NALF1: variants seen among roughly 807,000 people sequenced by gnomAD.
NALF1 encodes NALCN channel auxiliary factor 1, also known as family with sequence similarity 155 member A.
Under a neutral mutation model 48.4 loss-of-function variants are expected in NALF1, and 3 were observed. The observed-to-expected ratio is 0.06, with a 90% CI of 0.03 to 0.16. NALF1 has a LOEUF of 0.16. NALF1 is among the 10% of genes least tolerant of loss of function. NALF1 has a pLI of 1.00. For synonymous variants in NALF1, 262 were observed against 245.7 expected, an observed-to-expected ratio of 1.07 and a Z score of -0.62; for missense variants, 526 against 571.5, an observed-to-expected ratio of 0.92 and a Z score of 0.81.
intron 1 of NALF1, among the ~76,000 whole-genome samples, chr13:107,791,303 G>A (rs1226897708): frequency 2.0e-5 from 3 of 152,092 alleles, no homozygotes; most frequent in Admixed American, 1.3e-4. Context: ...ATCATCTACA[G>A]TACAATCCTG....
intron 1 of NALF1, among the ~76,000 whole-genome samples, chr13:107,863,556 T>C (rs905815157): frequency 6.6e-6 from 1 of 152,186 alleles, no homozygotes; most frequent in African/African-American, 2.4e-5. Context: ...AATTCTCCAT[T>C]GCGGTGATAA....
At chr13:107,377,799 T>A (rs982819343) in intron 1 of NALF1, among the ~76,000 whole-genome samples, 6 of 152,164 alleles carry the variant, frequency 3.9e-5, no homozygotes, top group African/African-American at 1.4e-4. Context: ...GAGATAGGCA[T>A]CTATTTATTT....
At chr13:107,234,259 C>G (rs904284525) in intron 1 of NALF1, among the ~76,000 whole-genome samples, 1 of 152,168 alleles carries the variant, frequency 6.6e-6, no homozygotes, top group African/African-American at 2.4e-5. Context: ...TTGTTGGAAT[C>G]AAGTGGAAAG....
intron 1 of NALF1, among the ~76,000 whole-genome samples, chr13:107,594,031 A>G (rs977094939): frequency 6.6e-6 from 1 of 152,020 alleles, no homozygotes; most frequent in African/African-American, 2.4e-5. Flanking sequence ...CAAAAGCATG[A>G]CATTATGTCA....
chr13:107,471,863 T>G (rs778668183), intron 1 of NALF1, among the ~76,000 whole-genome samples: 5 of 152,238 alleles, frequency 3.3e-5, no homozygotes, highest in Non-Finnish European at 5.9e-5. Context: ...ATGTATTATT[T>G]TCTTTGAAAA....
intron 1 of NALF1, among the ~76,000 whole-genome samples, chr13:107,477,201 C>G (rs1239707392): frequency 6.6e-6 from 1 of 152,104 alleles, no homozygotes; most frequent in Admixed American, 6.6e-5. Context: ...CTGCATCAAC[C>G]TGACTTTACT....
intron 1 of NALF1, among the ~76,000 whole-genome samples, chr13:107,235,556 A>G (rs141797671): frequency 6.6e-6 from 1 of 152,360 alleles, no homozygotes; most frequent in African/African-American, 2.4e-5. Flanking sequence ...CATAATACTA[A>G]AAACAAAGTA....
At chr13:107,739,780 T>C (rs907259019) in intron 1 of NALF1, among the ~76,000 whole-genome samples, 1 of 152,130 alleles carries the variant, frequency 6.6e-6, no homozygotes, top group Non-Finnish European at 1.5e-5. Flanking sequence ...TTCCCAGTGC[T>C]CACATTACCG....
Position 107,285,856 on chromosome 13 carries a change from C to A in NALF1, c.916-75101G>T, listed in dbSNP as rs1881482809. On this transcript the variant is annotated intron_variant, in intron 1 of 2. Coordinates refer to ENST00000375915, the MANE Select transcript of NALF1 (RefSeq NM_001080396.3). ...GGTGATAATATGTGAAAGTGTCCAA[C>A]CTGAATAATAGAAAAAAAAGTAAAG... 2.6e-5 allele frequency among the ~76,000 whole-genome samples: 4 copies of A among 151,796 alleles called. No homozygotes were observed. In the South Asian group the frequency reaches 8.3e-4, roughly 32 times the overall value.
chr13:107,174,790 T>C lies in NALF1; in HGVS notation c.1088-4004A>G, dbSNP rs116013548. 6.4e-3 allele frequency among the ~76,000 whole-genome samples: 976 copies of C among 152,146 alleles called. 13 individuals are homozygous for C. The highest frequency in any genetic ancestry group is 0.022 in the African/African-American group (922 of 41,512). On this transcript the variant is annotated intron_variant, in intron 2 of 2. Coordinates refer to ENST00000375915, the MANE Select transcript of NALF1 (RefSeq NM_001080396.3). ...GGATGTGGCTGGGGGAGTCTCAGCT[T>C]CAGGGTGGAGTTGTGCATGGAATCC...
At chr13:107,583,038 T>C (rs1475035406) in intron 1 of NALF1, among the ~76,000 whole-genome samples, 2 of 152,120 alleles carry the variant, frequency 1.3e-5, no homozygotes, top group Non-Finnish European at 2.9e-5. Context: ...ATCTCAGCAA[T>C]GCATATAGGA....
intron 1 of NALF1, among the ~76,000 whole-genome samples, chr13:107,686,101 T>C (rs1881427837): frequency 6.6e-6 from 1 of 152,176 alleles, no homozygotes; most frequent in South Asian, 2.1e-4. Flanking sequence ...GGCCAGCCTC[T>C]GAAATGCTAA....
chr13:107,298,417 T>A (rs1165869300), intron 1 of NALF1, among the ~76,000 whole-genome samples: 1 of 149,750 alleles, frequency 6.7e-6, no homozygotes, highest in Non-Finnish European at 1.5e-5. Flanking sequence ...TATACACGTT[T>A]CTTTTTTATT....
chr13:107,689,201 C>T (rs1162348652), intron 1 of NALF1, among the ~76,000 whole-genome samples: 2 of 152,184 alleles, frequency 1.3e-5, no homozygotes, highest in African/African-American at 4.8e-5. Flanking sequence ...TCAACTCAAC[C>T]CAGCCAGTAC....
At chr13:107,424,570 G>T (rs2139011464) in intron 1 of NALF1, among the ~76,000 whole-genome samples, 1 of 150,752 alleles carries the variant, frequency 6.6e-6, no homozygotes, top group Non-Finnish European at 1.5e-5. Context: ...ATGTACTTGA[G>T]AATAAAATAT....
At chr13:107,300,187 G>C (rs1299453627) in intron 1 of NALF1, among the ~76,000 whole-genome samples, 1 of 152,124 alleles carries the variant, frequency 6.6e-6, no homozygotes, top group East Asian at 1.9e-4. Flanking sequence ...GAGGTTATAG[G>C]ATTAAAGGCT....
chr13:107,740,844 G>C (rs892276339), intron 1 of NALF1, among the ~76,000 whole-genome samples: 8 of 152,160 alleles, frequency 5.3e-5, no homozygotes, highest in Non-Finnish European at 1.2e-4. Context: ...CCATTGGAAG[G>C]AATAAAATAT....
rs556546478 is a variant in NALF1 at position 107,352,623 on chromosome 13, C to T, written c.916-141868G>A. On this transcript the variant is annotated intron_variant, in intron 1 of 2. Transcript: ENST00000375915. ...AAGTGTCTTACTATAAAGAACTAAT[C>T]CCATTCACAAGAGCTTTACCCTCAT... Among the ~76,000 whole-genome samples, 4 of 152,122 alleles carry T rather than the reference C, an allele frequency of 2.6e-5. No individual in the cohort carries two copies. The East Asian group carries it at 5.8e-4, about 22-fold the overall frequency.
intron 1 of NALF1, among the ~76,000 whole-genome samples, chr13:107,791,512 C>A (rs1472749750): frequency 6.6e-6 from 1 of 151,890 alleles, no homozygotes; most frequent in East Asian, 1.9e-4. Context: ...ATGCAGAAAC[C>A]CAAAAAACAT....
Sources: gnomAD v4.1 joint callset for allele counts (sites outside exome capture counted in the v4.1 genomes callset) on GRCh38, gnomAD v4.1.1 for gene constraint, MANE v1.5 for transcripts, NCBI Gene and HGNC (gene_info 2026-07-23, HGNC 2026-07-21) for gene names.